CACNA1D: variants seen among roughly 807,000 people sequenced by gnomAD.
CACNA1D encodes voltage-dependent L-type calcium channel subunit alpha-1D.
In CACNA1D, 55 loss-of-function variants were observed where a neutral mutation model predicts 257.1. That is an observed-to-expected ratio of 0.21 (90% CI 0.17 to 0.27). The LOEUF (loss-of-function observed/expected upper bound fraction) is 0.27. Among genes scored for constraint, CACNA1D ranks in the 10% least tolerant of loss-of-function variants. The pLI is 1.00. For missense variants in CACNA1D, 1,876 were observed against 2,784.0 expected (o/e 0.67, Z 7.34); for synonymous variants, 980 against 1,014.9 (o/e 0.97, Z 0.65).
At chr3:53,734,373 GATATAC>G (rs2095036059) in intron 19 of CACNA1D, among the ~76,000 whole-genome samples, 1 of 151,194 alleles carries the variant, frequency 6.6e-6, no homozygotes, top group Non-Finnish European at 1.5e-5. Flanking sequence ...ACATATTTTA[GATATAC>G]ATATATACAC....
chr3:53,686,766 A>G (rs11715072), intron 8 of CACNA1D, among the ~76,000 whole-genome samples: 47,918 of 151,878 alleles, frequency 0.32, 7,578 homozygotes, highest in Middle Eastern at 0.4. Flanking sequence ...CCATTTTTCT[A>G]TCTTCTTTTA....
chr3:53,691,457 G>T (rs1251205013), intron 8 of CACNA1D, among the ~76,000 whole-genome samples: 1 of 151,458 alleles, frequency 6.6e-6, no homozygotes, highest in Non-Finnish European at 1.5e-5. Context: ...AACAAAGTCT[G>T]TAACTTTTAG....
chr3:53,576,339 G>A (rs1006039882), intron 3 of CACNA1D, among the ~76,000 whole-genome samples: 8 of 152,196 alleles, frequency 5.3e-5, no homozygotes, highest in Non-Finnish European at 1.0e-4. Context: ...TTTCTGGTGA[G>A]TGTTATCCTC....
intron 40 of CACNA1D, among the ~76,000 whole-genome samples, chr3:53,795,849 G>A (rs1299689411): frequency 6.6e-6 from 1 of 152,196 alleles, no homozygotes; most frequent in Non-Finnish European, 1.5e-5. Flanking sequence ...ATCTTTCCAA[G>A]TGATGGGAAT....
chr3:53,744,439 C>T (rs754264401), intron 22 of CACNA1D, among the ~76,000 whole-genome samples: 11 of 152,208 alleles, frequency 7.2e-5, no homozygotes, highest in Non-Finnish European at 8.8e-5. Context: ...CCAGCTACTA[C>T]CTAGTATTTA....
At chr3:53,620,179 C>A (rs541779503) in intron 3 of CACNA1D, among the ~76,000 whole-genome samples, 1 of 152,138 alleles carries the variant, frequency 6.6e-6, no homozygotes, top group Non-Finnish European at 1.5e-5. Flanking sequence ...GTCTAGTGAG[C>A]GGCCTTTCCA....
chr3:53,600,492 G>A (rs1271627125), intron 3 of CACNA1D, among the ~76,000 whole-genome samples: 1 of 152,190 alleles, frequency 6.6e-6, no homozygotes, highest in East Asian at 1.9e-4. Flanking sequence ...CATGAGATAG[G>A]AACAGACAGG....
chr3:53,555,669 T>C (rs2092631695), intron 3 of CACNA1D, among the ~76,000 whole-genome samples: 1 of 152,066 alleles, frequency 6.6e-6, no homozygotes, highest in South Asian at 2.1e-4. Context: ...CCCAACTTGT[T>C]ATCAGTTGCG....
At chr3:53,810,373 G>C in intron 47 of CACNA1D, 75 bp downstream of exon 47, 1 of 1,458,412 alleles carries the variant, frequency 6.9e-7, no homozygotes, top group Non-Finnish European at 9.6e-7. Flanking sequence ...AGCAGGAAGG[G>C]CAGTGGTGGG....
chr3:53,586,464 A>C (rs2093219762), intron 3 of CACNA1D, among the ~76,000 whole-genome samples: 1 of 151,700 alleles, frequency 6.6e-6, no homozygotes, highest in East Asian at 1.9e-4. Flanking sequence ...GGCACCCTAC[A>C]GTGTCTGCAG....
chr3:53,718,588 C>A, intron 10 of CACNA1D, 200 bp downstream of exon 10: 1 of 795,958 alleles, frequency 1.3e-6, no homozygotes. Context: ...CCCCGCCCCC[C>A]CGCCCCCCGG....
chr3:53,671,633 A>G lies in CACNA1D; in HGVS notation c.1117-1390A>G, dbSNP rs2094323926. Reference sequence around the variant, plus strand: ...TTGCCAATGTAAGATGTGCAGACTGATATGAGTTCTATTAAGCACATCAAT... The same window carrying G: ...TTGCCAATGTAAGATGTGCAGACTGGTATGAGTTCTATTAAGCACATCAAT... On this transcript the variant is annotated intron_variant, in intron 7 of 47. Coordinates refer to ENST00000350061, the MANE Select transcript of CACNA1D (RefSeq NM_001128840.3). Among the ~76,000 whole-genome samples, 3 of 152,364 alleles carry G rather than the reference A, an allele frequency of 2.0e-5. No homozygotes were observed. The East Asian group carries it at 5.8e-4, about 29-fold the overall frequency.
chr3:53,741,321 C>G (rs1393459896), intron 21 of CACNA1D, among the ~76,000 whole-genome samples: 1 of 152,112 alleles, frequency 6.6e-6, no homozygotes. Flanking sequence ...TTCTTTAAGC[C>G]ATTGGGGAAT....
intron 3 of CACNA1D, among the ~76,000 whole-genome samples, chr3:53,575,312 A>G (rs540505848): frequency 6.6e-6 from 1 of 152,304 alleles, no homozygotes; most frequent in South Asian, 2.1e-4. Flanking sequence ...GGCACTTGCC[A>G]ACCTGAAGGT....
Position 53,665,857 on chromosome 3 carries a change from G to T in CACNA1D, c.919+45G>T, listed in dbSNP as rs1045591392. ...GCTAACTTAACTTTAAAATTTTTTT[G>T]TTTTCCCCAAAGCAACTTTCATGGT... On this transcript the variant is annotated intron_variant, in intron 6 of 47. Coordinates refer to ENST00000350061, the MANE Select transcript of CACNA1D (RefSeq NM_001128840.3). 3.3e-6 allele frequency: 5 copies of T among 1,533,110 alleles called. No individual in the cohort carries two copies. In the African/African-American group the frequency reaches 5.5e-5, roughly 17 times the overall value. The allele number at this position is 1,533,110 out of a possible 1,614,324, so 95.0% of individuals were successfully genotyped here.
At chr3:53,744,557 C>G (rs2108836293) in intron 22 of CACNA1D, among the ~76,000 whole-genome samples, 183 bp from the exon 23 acceptor site, 1 of 152,250 alleles carries the variant, frequency 6.6e-6, no homozygotes, top group African/African-American at 2.4e-5. Flanking sequence ...GGAGGTGCTG[C>G]CTCGTGTGGG....
At chr3:53,733,922 GTGTGTGTT>G (rs1204201523) in intron 19 of CACNA1D, among the ~76,000 whole-genome samples, 5 of 85,698 alleles carry the variant, frequency 5.8e-5, no homozygotes, top group Admixed American at 2.8e-4. Flanking sequence ...TTGTGTGTGT[GTGTGTGTT>G]TGTGTGTGTG....
chr3:53,541,714 G>A (rs2107525814), intron 3 of CACNA1D, among the ~76,000 whole-genome samples: 1 of 152,252 alleles, frequency 6.6e-6, no homozygotes, highest in African/African-American at 2.4e-5. Flanking sequence ...CCTGTGTTCT[G>A]GGGAATAGTG....
Position 53,526,711 on chromosome 3 carries a change from C to G in CACNA1D, c.483+24991C>G, listed in dbSNP as rs561024190. ...GGAGAATTGTACCAACTTTTCTCCC[C>G]CCGGTTGTACATCTTCACTTTGTCA... is the stretch of plus-strand genomic sequence containing the variant. On this transcript the variant is annotated intron_variant, in intron 3 of 47. Coordinates refer to ENST00000350061, the MANE Select transcript of CACNA1D (RefSeq NM_001128840.3). Among the ~76,000 whole-genome samples, 3 of 152,226 alleles carry G rather than the reference C, an allele frequency of 2.0e-5. No homozygotes were observed. In the South Asian group the frequency reaches 6.2e-4, roughly 32 times the overall value.
Sources: gnomAD v4.1 joint callset for allele counts (sites outside exome capture counted in the v4.1 genomes callset) on GRCh38, gnomAD v4.1.1 for gene constraint, MANE v1.5 for transcripts, NCBI Gene and HGNC (gene_info 2026-07-23, HGNC 2026-07-21) for gene names.